B4GALNT4: variants seen among roughly 807,000 people sequenced by gnomAD.
B4GALNT4 encodes the protein N-acetyl-beta-glucosaminyl-glycoprotein 4-beta-N-acetylgalactosaminyltransferase 1.
In B4GALNT4, 77 loss-of-function variants were observed where a neutral mutation model predicts 110.0. The ratio of observed to expected loss-of-function variants is 0.70; its 90% CI spans 0.58 to 0.85. The LOEUF is 0.85. B4GALNT4 is among the 40% of genes least tolerant of loss of function. The pLI, the probability that B4GALNT4 is intolerant of heterozygous loss-of-function variation, is 0.00. For missense variants in B4GALNT4, 1,575 were observed against 1,506.0 expected (o/e 1.05, Z -0.76); for synonymous variants, 785 against 655.5 (o/e 1.20, Z -3.02).
chr11:376,229 C>G lies in B4GALNT4; in HGVS notation c.1197-22C>G, dbSNP rs765257025. ...GGGGTGGGCGGGGCGGGACTCGGCT[C>G]TGATGCCCCGCCGCGCCCCAGGTTT... is the stretch of plus-strand genomic sequence containing the variant. On this transcript the variant is annotated intron_variant, in intron 12 of 19. Coordinates refer to ENST00000329962, the MANE Select transcript of B4GALNT4 (RefSeq NM_178537.5). The G allele has an allele frequency of 5.0e-6, 8 of 1,602,768 alleles. No homozygotes were observed. In the South Asian group the frequency reaches 8.8e-5, roughly 18 times the overall value.
chr11:380,066 C>T (rs767740375), intron 16 of B4GALNT4, 47 bp downstream of exon 16: 7 of 1,598,708 alleles, frequency 4.4e-6, no homozygotes, highest in Middle Eastern at 1.7e-4. Flanking sequence ...CAGCTTTCCT[C>T]CCCGGGAGAT....
chr11:376,508 C>G lies in B4GALNT4; in HGVS notation c.1385C>G (p.Pro462Arg), dbSNP rs750278206. ...AAPPRSGPQSPAPAAPAQPGA... is the reference protein window; with the variant it reads ...AAPPRSGPQSRAPAAPAQPGA... ...CCGCCCAGGAGCGGCCCCCAGTCCC[C>G]CGCCCCAGCAGCCCCCGCCCAGCCC... Residue 462 changes from proline to arginine, a missense_variant, in exon 14 of 20, where the codon CCC becomes CGC. Coordinates refer to ENST00000329962, the MANE Select transcript of B4GALNT4 (RefSeq NM_178537.5). 1.1e-5 allele frequency: 16 copies of G among 1,519,736 alleles called. No individual in the cohort carries two copies. The Middle Eastern group carries it at 7.0e-4, about 66-fold the overall frequency. 94.1% of individuals were successfully genotyped at this position (1,519,736 alleles called of 1,614,324 possible). A position where few individuals can be genotyped will look rare whatever the true frequency, so the allele number is the denominator to read the frequency against.
Position 381,773 on chromosome 11 carries a change from C to T in B4GALNT4, c.3101C>T (p.Ser1034Phe), listed in dbSNP as rs777389929. ...TGGAGCGTCCGCAGCAGGAAGGGCT[C>T]TCGCACGGGGGCGTCTTGAGGACGG... The part of the protein sequence containing the change: ...GMWSVRSRKG[S>F]RTGAS Residue 1034 changes from serine (S) to phenylalanine (F), a missense_variant, in exon 20 of 20, where the codon TCT becomes TTT. Transcript: ENST00000329962. 1 of 1,582,726 alleles carries T rather than the reference C, an allele frequency of 6.3e-7. No individual in the cohort carries two copies. Among genetic ancestry groups the T allele is most frequent in the Non-Finnish European group, 8.6e-7 (1 of 1,168,236 alleles).
chr11:377,459 C>A, intron 14 of B4GALNT4, 132 bp downstream of exon 14: 1 of 951,866 alleles, frequency 1.1e-6, no homozygotes, highest in Non-Finnish European at 1.4e-6. Flanking sequence ...GGGGCTGAGG[C>A]ACCGCGCCCC....
chr11:376,895 C>T lies in B4GALNT4; in HGVS notation c.1772C>T (p.Ala591Val). ...CAGGCCACACAGCCGAGGCCCCCAG[C>T]CCGGGCGCAGGCCACCCAAGGGGGC... is the stretch of plus-strand genomic sequence containing the variant. Reference protein sequence around the residue: ...GPQATQPRPPARAQATQGGRE... With the variant: ...GPQATQPRPPVRAQATQGGRE... Residue 591 changes from alanine to valine, a missense_variant, in exon 14 of 20, where the codon GCC (alanine) becomes GTC (valine). Coordinates refer to ENST00000329962, the MANE Select transcript of B4GALNT4 (RefSeq NM_178537.5). 1 of 1,358,154 alleles carries T rather than the reference C, an allele frequency of 7.4e-7. No individual in the cohort carries two copies. The highest frequency in any genetic ancestry group is 9.5e-7 in the Non-Finnish European group (1 of 1,057,406). The allele number at this position is 1,358,154 out of a possible 1,614,324, so 84.1% of individuals were successfully genotyped here.
chr11:371,092 G>A (rs972241481), intron 1 of B4GALNT4, among the ~76,000 whole-genome samples: 12 of 152,160 alleles, frequency 7.9e-5, no homozygotes, highest in African/African-American at 2.4e-4. Context: ...TCTGAGCAGC[G>A]CAGGGGTCTA....
chr11:376,659 GC>G lies in B4GALNT4; in HGVS notation c.1541del (p.Pro514ArgfsTer14). On this transcript the variant is annotated frameshift_variant, in exon 14 of 20. Coordinates refer to ENST00000329962, the MANE Select transcript of B4GALNT4 (RefSeq NM_178537.5). LOFTEE classifies it high-confidence loss of function. ...TGCCGCTCTTCTTGGGCCGAGCTCC[GC>G]CCCCGCGCCCTGCAGTGGAGCAGCC... is the stretch of plus-strand genomic sequence containing the variant. ...PLPLFLGRAPPPRPAVEQPPP... is the reference protein window; with the variant it reads ...PLPLFLGRAPXPRPAVEQPPP... The G allele has an allele frequency of 1.4e-6, 2 of 1,423,774 alleles. No homozygotes were observed. The highest frequency in any genetic ancestry group is 1.8e-6 in the Non-Finnish European group (2 of 1,091,672). 88.2% of individuals were successfully genotyped at this position (1,423,774 alleles called of 1,614,324 possible).
intron 19 of B4GALNT4, 122 bp downstream of exon 19, chr11:381,073 G>A (rs79255845): frequency 5.4e-6 from 8 of 1,478,482 alleles, no homozygotes; most frequent in Middle Eastern, 2.2e-4. Context: ...TGCCCTTCCC[G>A]GTCTTCCCAG....
At chr11:375,797 C>G in intron 10 of B4GALNT4, 24 bp downstream of exon 10, 1 of 1,601,234 alleles carries the variant, frequency 6.2e-7, no homozygotes, top group Non-Finnish European at 8.5e-7. Flanking sequence ...CGCGCGGGGG[C>G]GAGGGCGGGG....
Position 379,409 on chromosome 11 carries a change from G to A in B4GALNT4, c.2205-9G>A, listed in dbSNP as rs1423931426. On this transcript the variant is annotated splice_polypyrimidine_tract_variant and intron_variant, in intron 14 of 19. Coordinates refer to ENST00000329962, the MANE Select transcript of B4GALNT4 (RefSeq NM_178537.5). ...AGCCCCAGTACCGGCTGACCGCTGA[G>A]CCTTGCAGGCGCTTCGCGCTTCTGC... The A allele has an allele frequency of 6.7e-7, 1 of 1,500,574 alleles. No homozygotes were observed. Among genetic ancestry groups the A allele is most frequent in the East Asian group, 2.5e-5 (1 of 39,638 alleles). 93.0% of individuals were successfully genotyped at this position (1,500,574 alleles called of 1,614,324 possible). A position where few individuals can be genotyped will look rare whatever the true frequency, so the allele number is the denominator to read the frequency against.
At position 380,824 on chromosome 11, in the gene B4GALNT4, G is replaced by T; in HGVS notation, c.2870-1G>T. ...TAGCACCCCTCACCCTCCCGCCCCA[G>T]GTTACTGGGAGGTGAACGGCTTTGG... On this transcript the variant is annotated splice_acceptor_variant, in intron 18 of 19. Transcript: ENST00000329962. LOFTEE classifies it high-confidence loss of function. 1.9e-6 allele frequency: 3 copies of T among 1,613,840 alleles called. No individual in the cohort carries two copies. The highest frequency in any genetic ancestry group is 1.7e-6 in the Non-Finnish European group (2 of 1,179,888).
chr11:373,532 G>T lies in B4GALNT4; in HGVS notation c.704+16G>T. The T allele has an allele frequency of 1.9e-6, 3 of 1,610,946 alleles. No individual in the cohort carries two copies. Among genetic ancestry groups the T allele is most frequent in the South Asian group, 1.1e-5 (1 of 91,050 alleles). On this transcript the variant is annotated intron_variant, in intron 7 of 19. Transcript: ENST00000329962. ...AGCCCAGGCGGTGAGTGACTGTGGG[G>T]TGCATGTGCGTGCACTTGTGTATTC...
At position 380,007 on chromosome 11, in the gene B4GALNT4, C is replaced by T. The variant is rs1188699541; in HGVS notation, c.2630C>T (p.Ala877Val). 4.3e-6 allele frequency: 7 copies of T among 1,612,350 alleles called. No individual in the cohort carries two copies. The East Asian group carries it at 8.9e-5, about 21-fold the overall frequency. ...DMDVERALRA[A>V]RLPRYQYLRR... ...GACGTGGAGCGGGCCCTGCGCGCCG[C>T]GCGCCTGCCCCGGTAACGACCCCTA... The change falls in exon 16 of 20, where the codon GCG becomes GTG. Residue 877 changes from alanine to valine, a missense_variant. By Grantham distance (64) the Ala-to-Val change is moderately conservative. Transcript: ENST00000329962.
rs1290464359 is a variant in B4GALNT4 at position 376,305 on chromosome 11, A to G, written c.1251A>G (p.Glu417=). The G allele has an allele frequency of 3.1e-6, 5 of 1,610,352 alleles. No homozygotes were observed. Among genetic ancestry groups the G allele is most frequent in the Non-Finnish European group, 4.2e-6 (5 of 1,178,580 alleles). Residue 417 remains glutamate (E), a synonymous_variant, in exon 13 of 20, where the codon GAA becomes GAG. Transcript: ENST00000329962. Reference sequence around the variant, plus strand: ...ACAAGGAGGAGGGGGATGAGGATGAAGAAGACGAGGTGCAGCGCCGAGCCT... The same window carrying G: ...ACAAGGAGGAGGGGGATGAGGATGAGGAAGACGAGGTGCAGCGCCGAGCCT... The part of the protein sequence containing the change: ...KMDKEEGDED[E]EDEVQRRAFL...
chr11:381,625 C>T (rs1846877994), intron 19 of B4GALNT4, 44 bp from the exon 20 acceptor site: 2 of 1,519,634 alleles, frequency 1.3e-6, no homozygotes, highest in South Asian at 2.5e-5. Context: ...ACCTCTCCGT[C>T]CCCAACCCCG....
In B4GALNT4 at chr11:380,315, C is replaced by T. The variant is rs117291242; in HGVS notation, c.2739C>T (p.Leu913=). 0.032 allele frequency: 51,561 copies of T among 1,613,284 alleles called. 982 individuals carry two copies. Among genetic ancestry groups the T allele is most frequent in the Admixed American group, 0.036 (2,163 of 60,000 alleles). Residue 913 remains leucine (L), a synonymous_variant, in exon 18 of 20, where the codon CTC becomes CTT. Transcript: ENST00000329962. The part of the protein sequence containing the change: ...AVEDASSIVF[L]CDLHIHFPPN... ...AGGACGCCAGCAGCATCGTGTTCCT[C>T]TGCGACCTGCACATCCACTTCCCAC...
chr11:370,277 G>T (rs967736288), intron 1 of B4GALNT4, among the ~76,000 whole-genome samples: 35 of 152,198 alleles, frequency 2.3e-4, no homozygotes, highest in Non-Finnish European at 4.6e-4. Context: ...AGGGGCTGAC[G>T]GTGGGCTCCT....
rs1564870802 is a variant in B4GALNT4, at chr11:376,686, GC to G, written c.1568del (p.Pro523GlnfsTer5). 1.4e-6 allele frequency: 2 copies of G among 1,424,590 alleles called. No homozygotes were observed. The highest frequency in any genetic ancestry group is 2.9e-5 in the Admixed American group (1 of 34,914). The allele number at this position is 1,424,590 out of a possible 1,614,324, so 88.2% of individuals were successfully genotyped here. A position where few individuals can be genotyped will look rare whatever the true frequency, so the allele number is the denominator to read the frequency against. ...CCCCGCGCCCTGCAGTGGAGCAGCCGCCCCCAAAGGTGTACGTGACCAGGGT... is the reference window on the plus strand; with the variant it reads ...CCCCGCGCCCTGCAGTGGAGCAGCCGCCCCAAAGGTGTACGTGACCAGGGT... ...PPPRPAVEQP[P>X]PKVYVTRVRP... is the part of the protein sequence containing the mutation. On this transcript the variant is annotated frameshift_variant, in exon 14 of 20. Transcript: ENST00000329962. LOFTEE classifies it high-confidence loss of function.
At chr11:375,994 T>A in intron 11 of B4GALNT4, 38 bp downstream of exon 11, 11 of 1,605,666 alleles carry the variant, frequency 6.9e-6, no homozygotes, top group Non-Finnish European at 8.5e-6. Flanking sequence ...CGTCCGGGAC[T>A]CCGCGGAGCC....
Sources: allele counts gnomAD v4.1 joint callset (sites outside exome capture counted in the v4.1 genomes callset), GRCh38; gene constraint gnomAD v4.1.1; transcripts MANE v1.5; gene names NCBI Gene and HGNC (gene_info 2026-07-23, HGNC 2026-07-21).